NBAS: variants seen among roughly 807,000 people sequenced by gnomAD.
NBAS encodes NAG/BC035112 fusion.
Under a neutral mutation model 302.5 loss-of-function variants are expected in NBAS, and 219 were observed. The observed-to-expected ratio is 0.72, with a 90% CI of 0.65 to 0.81. The LOEUF (loss-of-function observed/expected upper bound fraction) is 0.81, where lower values mean the gene tolerates loss of function less well. Ranked by LOEUF, NBAS falls within the 30% of genes least tolerant of loss-of-function variation. The pLI, the probability that NBAS is intolerant of heterozygous loss-of-function variation, is 0.00. For missense variants in NBAS, 2,932 were observed against 2,841.6 expected, an observed-to-expected ratio of 1.03 and a Z score of -0.72; for synonymous variants, 1,118 against 1,021.6, an observed-to-expected ratio of 1.09 and a Z score of -1.80.
intron 21 of NBAS, among the ~76,000 whole-genome samples, chr2:15,437,244 G>A (rs1490528789): frequency 6.6e-6 from 1 of 152,160 alleles, no homozygotes; most frequent in African/African-American, 2.4e-5. Context: ...AGCTACTGGG[G>A]AGGCTGAGCA....
chr2:15,113,495 G>A, the NBAS span, among the ~76,000 whole-genome samples: 5 of 152,008 alleles, frequency 3.3e-5, no homozygotes, highest in Non-Finnish European at 7.4e-5. Context: ...TTCACAATGA[G>A]TCTGAAAAAT....
intron 30 of NBAS, among the ~76,000 whole-genome samples, chr2:15,377,068 C>A (rs933398902): frequency 1.3e-5 from 2 of 151,900 alleles, no homozygotes; most frequent in African/African-American, 2.4e-5. Flanking sequence ...TGTAAAAGAA[C>A]CACAATTTTA....
chr2:15,199,890 A>G (rs1665795464), intron 48 of NBAS, among the ~76,000 whole-genome samples: 1 of 150,310 alleles, frequency 6.7e-6, no homozygotes, highest in Non-Finnish European at 1.5e-5. Context: ...AAAAACAGAA[A>G]GCTGGATTTT....
At chr2:15,326,908 A>C (rs1306187129) in intron 38 of NBAS, among the ~76,000 whole-genome samples, 2 of 152,096 alleles carry the variant, frequency 1.3e-5, no homozygotes, top group African/African-American at 4.8e-5. Context: ...ATCTAAAATA[A>C]GCTATAGTAT....
chr2:15,368,967 C>T (rs1674355383), intron 31 of NBAS, among the ~76,000 whole-genome samples: 1 of 152,218 alleles, frequency 6.6e-6, no homozygotes, highest in Non-Finnish European at 1.5e-5. Context: ...ATCGTAAAAA[C>T]TCACCGATAC....
chr2:15,311,507 A>T (rs1472376709), intron 38 of NBAS, among the ~76,000 whole-genome samples: 2 of 152,228 alleles, frequency 1.3e-5, no homozygotes, highest in Non-Finnish European at 2.9e-5. Context: ...TCTTCCAATA[A>T]CAACCACAGT....
At chr2:15,156,697 T>C in the NBAS span, among the ~76,000 whole-genome samples, 1 of 152,266 alleles carries the variant, frequency 6.6e-6, no homozygotes, top group Admixed American at 6.5e-5. Context: ...TATCAACATA[T>C]GAGTTTTTAG....
chr2:15,129,206 T>G, the NBAS span, among the ~76,000 whole-genome samples: 1 of 152,254 alleles, frequency 6.6e-6, no homozygotes, highest in African/African-American at 2.4e-5. Flanking sequence ...TAAGGGTGCT[T>G]GCATGGGAAG....
chr2:15,285,072 T>C (rs1404072742), intron 42 of NBAS, among the ~76,000 whole-genome samples: 1 of 152,232 alleles, frequency 6.6e-6, no homozygotes, highest in African/African-American at 2.4e-5. Context: ...AATGCCAGGA[T>C]ATTTTTAAAT....
the NBAS span, among the ~76,000 whole-genome samples, chr2:15,013,642 G>C: frequency 6.6e-6 from 1 of 151,994 alleles, no homozygotes; most frequent in South Asian, 2.1e-4. Context: ...AAATTAGCTG[G>C]GTGTGGTGGC....
intron 9 of NBAS, among the ~76,000 whole-genome samples, chr2:15,523,102 T>C (rs776886618): frequency 1.3e-5 from 2 of 152,236 alleles, no homozygotes; most frequent in Non-Finnish European, 2.9e-5. Flanking sequence ...GACTTTTCCC[T>C]GCTTCCTGGG....
chr2:15,186,980 A>G, intron 49 of NBAS, 100 bp from the exon 50 acceptor site: 6 of 1,520,164 alleles, frequency 3.9e-6, no homozygotes, highest in South Asian at 1.1e-5. Context: ...GTAAATTACA[A>G]TCAGAATCTA....
chr2:15,533,222 A>C (rs1558418269), intron 9 of NBAS, among the ~76,000 whole-genome samples: 1 of 152,178 alleles, frequency 6.6e-6, no homozygotes, highest in Non-Finnish European at 1.5e-5. Context: ...TTATCTAGTA[A>C]AGTTGAAGAT....
chr2:14,863,256 G>A, the NBAS span, among the ~76,000 whole-genome samples: 2 of 152,144 alleles, frequency 1.3e-5, no homozygotes, highest in Non-Finnish European at 2.9e-5. Context: ...CACCTAAACA[G>A]GCTTTGTATA....
At chr2:15,302,354 A>G (rs1670841805) in intron 40 of NBAS, among the ~76,000 whole-genome samples, 1 of 152,334 alleles carries the variant, frequency 6.6e-6, no homozygotes, top group East Asian at 1.9e-4. Context: ...AGGCTACCAG[A>G]GAGCACCTCT....
At chr2:15,135,867 TA>T in the NBAS span, among the ~76,000 whole-genome samples, 53,898 of 132,324 alleles carry the variant, frequency 0.41, 10,643 homozygotes, top group African/African-American at 0.54. Flanking sequence ...GCTGATGAGC[TA>T]AAAAAAAAAA....
At chr2:15,461,601 A>G (rs1679508476) in intron 20 of NBAS, 86 bp downstream of exon 20, 2 of 843,746 alleles carry the variant, frequency 2.4e-6, no homozygotes, top group Non-Finnish European at 3.8e-6. Context: ...AATGTAATAT[A>G]TGCACACAAT....
chr2:14,957,199 AAAG>A, the NBAS span, among the ~76,000 whole-genome samples: 1 of 152,116 alleles, frequency 6.6e-6, no homozygotes. Flanking sequence ...GAACCGACCA[AAAG>A]AAAAGAGAGC....
chr2:15,071,158 G>A, the NBAS span, among the ~76,000 whole-genome samples: 1 of 152,314 alleles, frequency 6.6e-6, no homozygotes, highest in Admixed American at 6.5e-5. Flanking sequence ...AGGGAAACAA[G>A]AGACCTATGC....
Sources: gnomAD v4.1 joint callset for allele counts (sites outside exome capture counted in the v4.1 genomes callset) on GRCh38, gnomAD v4.1.1 for gene constraint, MANE v1.5 for transcripts, NCBI Gene and HGNC (gene_info 2026-07-23, HGNC 2026-07-21) for gene names.